NUP210: variants seen among roughly 807,000 people sequenced by gnomAD.
The protein encoded by NUP210 is nucleoporin 210.
A neutral mutation model predicts 196.0 loss-of-function variants in NUP210; 151 were observed. The ratio of observed to expected loss-of-function variants is 0.77; its 90% CI spans 0.67 to 0.88. The LOEUF is 0.88. Among genes scored for constraint, NUP210 ranks in the 40% least tolerant of loss-of-function variants. The pLI is 0.00. For missense variants in NUP210, 2,314 were observed against 2,493.7 expected (o/e 0.93, Z 1.53); for synonymous variants, 1,070 against 1,052.7 (o/e 1.02, Z -0.32).
chr3:13,385,295 C>T (rs1170684435), intron 6 of NUP210, among the ~76,000 whole-genome samples: 2 of 152,176 alleles, frequency 1.3e-5, no homozygotes, highest in African/African-American at 4.8e-5. Context: ...CAGGTGGAAC[C>T]AACCTACCAA....
intron 14 of NUP210, among the ~76,000 whole-genome samples, chr3:13,365,161 C>T (rs1288377201): frequency 6.6e-6 from 1 of 152,214 alleles, no homozygotes; most frequent in Admixed American, 6.5e-5. Flanking sequence ...TCGCACGGAG[C>T]CTTCACACCC....
rs115258020 is a variant in NUP210, at chr3:13,388,912, C to T, written c.534-459G>A. Among the ~76,000 whole-genome samples, 1,368 of 152,324 alleles carry T rather than the reference C, an allele frequency of 9.0e-3. 19 individuals are homozygous for T. Among genetic ancestry groups the T allele is most frequent in the Non-Finnish European group, 0.011 (731 of 68,026 alleles). On this transcript the variant is annotated intron_variant, in intron 4 of 39. Coordinates refer to ENST00000254508, the MANE Select transcript of NUP210 (RefSeq NM_024923.4). ...CGGCCTAGCGCCCAGCTCTGGGGAA[C>T]GATTCTCCATGACTGGTCCCCTAGC...
At position 13,397,492 on chromosome 3, in the gene NUP210, G is replaced by A; in HGVS notation, c.305-4C>T. ...CAGCGCAGGACCTGGCCTGTGGCTG[G>A]AGGAACCCCAGGAAGGGGTCAGCAC... On this transcript the variant is annotated splice_region_variant and splice_polypyrimidine_tract_variant and intron_variant, in intron 2 of 39. Transcript: ENST00000254508. The A allele has an allele frequency of 1.3e-6, 2 of 1,590,872 alleles. No homozygotes were observed. The highest frequency in any genetic ancestry group is 1.7e-6 in the Non-Finnish European group (2 of 1,169,224).
Position 13,323,797 on chromosome 3 carries a change from G to A in NUP210, c.4645-365C>T, listed in dbSNP as rs1313537260. Among the ~76,000 whole-genome samples the A allele has an allele frequency of 1.3e-5, 2 of 152,082 alleles. No individual in the cohort carries two copies. Among genetic ancestry groups the A allele is most frequent in the African/African-American group, 2.4e-5 (1 of 41,388 alleles). Reference sequence around the variant, plus strand: ...CCACACCCCACCCAGAATCCAGTCTGCCCAGATTTTCCCAGCTGTTCCCCC... The same window carrying A: ...CCACACCCCACCCAGAATCCAGTCTACCCAGATTTTCCCAGCTGTTCCCCC... On this transcript the variant is annotated intron_variant, in intron 33 of 39. Coordinates refer to ENST00000254508, the MANE Select transcript of NUP210 (RefSeq NM_024923.4). The surrounding 1 kb of genome is among the most constrained non-coding windows in gnomAD (Gnocchi z 4.3).
At chr3:13,328,156 C>T (rs1696852485) in intron 31 of NUP210, among the ~76,000 whole-genome samples, 1 of 152,236 alleles carries the variant, frequency 6.6e-6, no homozygotes, top group South Asian at 2.1e-4. Flanking sequence ...GCTCCATTTC[C>T]TCCAGGACAT....
intron 8 of NUP210, 93 bp downstream of exon 8, chr3:13,378,818 AT>A (rs1699010909): frequency 1.0e-6 from 1 of 959,834 alleles, no homozygotes; most frequent in Non-Finnish European, 1.7e-6. Flanking sequence ...AGAGGGAAGC[AT>A]TTTCTGTGGA....
At chr3:13,359,622 CT>C (rs1433804929) in intron 15 of NUP210, among the ~76,000 whole-genome samples, 14 of 152,216 alleles carry the variant, frequency 9.2e-5, no homozygotes, top group Admixed American at 9.2e-4. Flanking sequence ...ACCCCTTTTG[CT>C]TTGGGCTTCC....
Position 13,360,163 on chromosome 3 carries a change from T to C in NUP210, c.2154+107A>G. 3 of 914,682 alleles carry C rather than the reference T, an allele frequency of 3.3e-6. No homozygotes were observed. The South Asian group carries it at 4.9e-5, about 15-fold the overall frequency. 56.7% of individuals were successfully genotyped at this position (914,682 alleles called of 1,614,324 possible). A position where few individuals can be genotyped will look rare whatever the true frequency, so the allele number is the denominator to read the frequency against. ...GTCTGTAAAATGGGTACAATAGGAG[T>C]GGCTGTCTCTCAGCGTTACTCCAAG... On this transcript the variant is annotated intron_variant, in intron 15 of 39. Transcript: ENST00000254508.
At chr3:13,326,344 A>G (rs75210788) in intron 32 of NUP210, among the ~76,000 whole-genome samples, 2,296 of 42,352 alleles carry the variant, frequency 0.054, 21 homozygotes, top group South Asian at 0.24. Flanking sequence ...TCGTTGCCTT[A>G]TCAATTCCTT....
intron 30 of NUP210, among the ~76,000 whole-genome samples, chr3:13,329,191 G>T (rs1336874602): frequency 6.6e-6 from 1 of 152,232 alleles, no homozygotes; most frequent in Non-Finnish European, 1.5e-5. Flanking sequence ...ACCCAGGAGT[G>T]TCCCAATCCA....
Position 13,386,378 on chromosome 3 carries a change from C to G in NUP210, c.714G>C (p.Leu238=), listed in dbSNP as rs1021819528. The G allele has an allele frequency of 1.2e-6, 2 of 1,614,064 alleles. No individual in the cohort carries two copies. Among genetic ancestry groups the G allele is most frequent in the Non-Finnish European group, 8.5e-7 (1 of 1,180,040 alleles). Residue 238 remains leucine (L), a synonymous_variant, in exon 6 of 40, where the codon CTG becomes CTC. Transcript: ENST00000254508. ...GGTTCAGAAGGATGTTTTCCAAAAT[C>G]AGCAGCCTGACTTCTGCAGGGCGTA... The part of the protein sequence containing the change: ...KNVRPAEVRL[L]ILENILLNPA...
In NUP210 at chr3:13,388,318, C is replaced by T; in HGVS notation, c.669G>A (p.Gln223=). The T allele has an allele frequency of 6.2e-7, 1 of 1,608,560 alleles. No homozygotes were observed. Among genetic ancestry groups the T allele is most frequent in the Non-Finnish European group, 8.5e-7 (1 of 1,177,798 alleles). The part of the protein sequence containing the change: ...TGSSKLKARI[Q]EAVYKNVRPA... ...CCAGGCCCACCTTGTAGACAGCCTCCTGGATGCGAGCCTTGAGCTTGGAGC... is the reference window on the plus strand; with the variant it reads ...CCAGGCCCACCTTGTAGACAGCCTCTTGGATGCGAGCCTTGAGCTTGGAGC... Residue 223 remains glutamine, a synonymous_variant, in exon 5 of 40, where the codon CAG becomes CAA. Coordinates refer to ENST00000254508, the MANE Select transcript of NUP210 (RefSeq NM_024923.4).
chr3:13,359,509 G>A (rs79744496), intron 15 of NUP210, among the ~76,000 whole-genome samples: 16 of 152,278 alleles, frequency 1.1e-4, no homozygotes, highest in Non-Finnish European at 1.5e-4. Flanking sequence ...ATGCATGTGC[G>A]TTTTATTGCC....
rs1700496449 is a variant in NUP210, at chr3:13,420,322, T to G, written c.-96A>C. The G allele has an allele frequency of 1.2e-6, 1 of 810,104 alleles. No individual in the cohort carries two copies. Among genetic ancestry groups the G allele is most frequent in the Non-Finnish European group, 1.5e-6 (1 of 668,032 alleles). 50.2% of individuals were successfully genotyped at this position (810,104 alleles called of 1,614,324 possible). A position where few individuals can be genotyped will look rare whatever the true frequency, so the allele number is the denominator to read the frequency against. On this transcript the variant is annotated 5_prime_UTR_variant, in exon 1 of 40. Transcript: ENST00000254508. The surrounding 1 kb of genome is among the most constrained non-coding windows in gnomAD (Gnocchi z 4.8). ...CCCGCGCGCGCGCCAGGCCAGCAGG[T>G]GATGAGCGCGGGGGCGGGGCGAGGG...
intron 39 of NUP210, 33 bp from the exon 40 acceptor site, chr3:13,317,814 G>A (rs369216671): frequency 6.7e-7 from 1 of 1,486,732 alleles, no homozygotes; most frequent in African/African-American, 1.4e-5. Flanking sequence ...GTTAGCAGCA[G>A]AGCCAGGGAA....
rs1427784650 is a variant in NUP210, at chr3:13,397,503, G to A, written c.305-15C>T. The stretch of plus-strand genomic sequence containing the variant: ...CTGGCCTGTGGCTGGAGGAACCCCA[G>A]GAAGGGGTCAGCACCAAAGACAGTC... On this transcript the variant is annotated splice_polypyrimidine_tract_variant and intron_variant, in intron 2 of 39. Transcript: ENST00000254508. 1 of 1,585,514 alleles carries A rather than the reference G, an allele frequency of 6.3e-7. No individual in the cohort carries two copies. Among genetic ancestry groups the A allele is most frequent in the Non-Finnish European group, 8.6e-7 (1 of 1,165,814 alleles).
chr3:13,419,594 T>A (rs747949431), intron 1 of NUP210, among the ~76,000 whole-genome samples: 6 of 152,126 alleles, frequency 3.9e-5, no homozygotes, highest in Non-Finnish European at 1.5e-5. Flanking sequence ...CCCGCGACGC[T>A]AGGCGCTGCG....
chr3:13,327,490 C>A, intron 31 of NUP210, 53 bp from the exon 32 acceptor site: 1 of 1,332,086 alleles, frequency 7.5e-7, no homozygotes, highest in South Asian at 1.3e-5. Context: ...AAGCTTCCAA[C>A]TCCCAAAGGG....
chr3:13,329,916 A>G (rs1696927235), intron 30 of NUP210, among the ~76,000 whole-genome samples: 1 of 152,244 alleles, frequency 6.6e-6, no homozygotes, highest in Admixed American at 6.5e-5. Context: ...TGCAAGCTTA[A>G]GCAAGTCACT....
Sources: gnomAD v4.1 joint callset for allele counts (sites outside exome capture counted in the v4.1 genomes callset) on GRCh38, gnomAD v4.1.1 for gene constraint, Gnocchi (gnomAD v3.1) non-coding constraint, MANE v1.5 for transcripts, NCBI Gene and HGNC (gene_info 2026-07-23, HGNC 2026-07-21) for gene names.